GPHN: variants seen among roughly 807,000 people sequenced by gnomAD.
The protein encoded by GPHN is gephyrin.
GPHN carries 17 observed loss-of-function variants against 95.5 expected under a neutral mutation model. The observed-to-expected ratio is 0.18, with a 90% CI of 0.12 to 0.27. GPHN has a LOEUF of 0.27. Ranked by LOEUF, GPHN falls within the 10% of genes least tolerant of loss-of-function variation. GPHN has a pLI of 1.00. For missense variants in GPHN, 660 were observed against 978.1 expected (o/e 0.67, Z 4.34); for synonymous variants, 320 against 322.5 (o/e 0.99, Z 0.08).
chr14:67,573,370 T>G, the GPHN span: 3 of 1,606,748 alleles, frequency 1.9e-6, no homozygotes, highest in African/African-American at 2.7e-5. The surrounding 1 kb of genome is among the most constrained non-coding windows in gnomAD (Gnocchi z 4.8). Flanking sequence ...GGACAGATTA[T>G]GTACTACAAG....
chr14:67,090,443 A>T (rs2077101899), intron 12 of GPHN, among the ~76,000 whole-genome samples: 1 of 152,090 alleles, frequency 6.6e-6, no homozygotes, highest in Non-Finnish European at 1.5e-5. Context: ...ATTATTTGAA[A>T]CATTGTTTAA....
chr14:67,314,656 G>C, the GPHN span, among the ~76,000 whole-genome samples: 4 of 152,204 alleles, frequency 2.6e-5, no homozygotes, highest in Admixed American at 2.6e-4. Flanking sequence ...TAAATGTTTA[G>C]AACTAGTGTT....
At chr14:66,788,829 TGTAGTTTTA>T (rs1010047533) in intron 3 of GPHN, among the ~76,000 whole-genome samples, 20 of 152,236 alleles carry the variant, frequency 1.3e-4, no homozygotes, top group African/African-American at 4.8e-4. Flanking sequence ...GCTAATTTTT[TGTAGTTTTA>T]GTAGAGATGG....
intron 1 of GPHN, among the ~76,000 whole-genome samples, chr14:66,550,782 A>C (rs1449627532): frequency 6.6e-6 from 1 of 152,186 alleles, no homozygotes; most frequent in Non-Finnish European, 1.5e-5. Flanking sequence ...AAGACTCTCC[A>C]CCAGCAAAAA....
the GPHN span, chr14:67,279,091 T>G: frequency 7.5e-7 from 1 of 1,332,948 alleles, no homozygotes; most frequent in Non-Finnish European, 9.9e-7. Flanking sequence ...GTAACATGGA[T>G]TTTATACTAC....
At chr14:66,738,431 C>T (rs1348631574) in intron 2 of GPHN, among the ~76,000 whole-genome samples, 2 of 152,052 alleles carry the variant, frequency 1.3e-5, no homozygotes, top group African/African-American at 4.8e-5. Context: ...CCTTTTGAGC[C>T]ATCTGTACTG....
At chr14:66,574,190 G>A (rs371304179) in intron 1 of GPHN, among the ~76,000 whole-genome samples, 1 of 151,900 alleles carries the variant, frequency 6.6e-6, no homozygotes, top group African/African-American at 2.4e-5. Flanking sequence ...TTTCTTTGTG[G>A]TTACTGTGAA....
the GPHN span, chr14:67,241,325 A>G: frequency 5.9e-5 from 9 of 153,342 alleles, no homozygotes; most frequent in African/African-American, 1.7e-4. Flanking sequence ...CGCGCGGTCT[A>G]GAAGTGGAGT....
the GPHN span, among the ~76,000 whole-genome samples, chr14:67,193,296 A>ATC: frequency 7.7e-6 from 1 of 129,824 alleles, no homozygotes; most frequent in African/African-American, 2.8e-5. Context: ...ATAGACATCT[A>ATC]TCTATATATC....
chr14:67,444,023 T>C, the GPHN span, among the ~76,000 whole-genome samples: 2 of 152,190 alleles, frequency 1.3e-5, no homozygotes, highest in African/African-American at 4.8e-5. Context: ...GAGAGGCTAA[T>C]CAGAAACTCA....
At chr14:66,859,580 C>T (rs1370461677) in intron 4 of GPHN, among the ~76,000 whole-genome samples, 3 of 152,166 alleles carry the variant, frequency 2.0e-5, no homozygotes, top group Non-Finnish European at 4.4e-5. Flanking sequence ...CAAACATCTA[C>T]AAGTATCACG....
the GPHN span, among the ~76,000 whole-genome samples, chr14:67,482,733 A>G: frequency 1.3e-5 from 2 of 152,238 alleles, no homozygotes; most frequent in Admixed American, 6.5e-5. Flanking sequence ...GGGCTTGCCC[A>G]GGGCCAGAAG....
At position 66,520,934 on chromosome 14, in the gene GPHN, A is replaced by G. The variant is rs1268816521; in HGVS notation, c.64+12343A>G. Among the ~76,000 whole-genome samples the G allele has an allele frequency of 2.6e-5, 4 of 152,124 alleles. No individual in the cohort carries two copies. The East Asian group carries it at 5.8e-4, about 22-fold the overall frequency. On this transcript the variant is annotated intron_variant, in intron 1 of 22. Coordinates refer to ENST00000478722, the MANE Select transcript of GPHN (RefSeq NM_020806.5). ...CCATGAGTTCTTTTAGCCCCCACTTATAAGTGAGAACATCTGGTATTTGGT... is the reference window on the plus strand; with the variant it reads ...CCATGAGTTCTTTTAGCCCCCACTTGTAAGTGAGAACATCTGGTATTTGGT...
chr14:66,833,330 T>C (rs748722022), intron 4 of GPHN, among the ~76,000 whole-genome samples: 3 of 152,120 alleles, frequency 2.0e-5, no homozygotes, highest in African/African-American at 4.8e-5. Context: ...CTCACTATCA[T>C]GAGAACCATG....
the GPHN span, chr14:67,686,196 G>A: frequency 6.6e-5 from 10 of 152,152 alleles, no homozygotes; most frequent in Admixed American, 6.5e-4. Context: ...TTCAAATCCT[G>A]GCTCCACTCA....
the GPHN span, among the ~76,000 whole-genome samples, chr14:67,503,938 G>C: frequency 3.3e-5 from 5 of 151,908 alleles, no homozygotes; most frequent in Middle Eastern, 3.4e-3. Context: ...TCCTGACCTC[G>C]TGATCTGCCT....
chr14:67,193,565 C>A, the GPHN span, among the ~76,000 whole-genome samples: 1 of 138,524 alleles, frequency 7.2e-6, no homozygotes. Flanking sequence ...AGATCTATAT[C>A]TATATAGATC....
At chr14:67,484,447 AT>A in the GPHN span, among the ~76,000 whole-genome samples, 33 of 152,208 alleles carry the variant, frequency 2.2e-4, no homozygotes, top group African/African-American at 6.3e-4. Flanking sequence ...CTAGCATTTA[AT>A]TTTTTTTCTA....
intron 2 of GPHN, among the ~76,000 whole-genome samples, chr14:66,692,287 G>A (rs2067830873): frequency 6.6e-6 from 1 of 151,990 alleles, no homozygotes; most frequent in African/African-American, 2.4e-5. Flanking sequence ...ATATGCTCTG[G>A]TCATTAGGTA....
Sources: allele counts gnomAD v4.1 joint callset (sites outside exome capture counted in the v4.1 genomes callset), GRCh38; gene constraint gnomAD v4.1.1; non-coding constraint Gnocchi (gnomAD v3.1); transcripts MANE v1.5; gene names NCBI Gene and HGNC (gene_info 2026-07-23, HGNC 2026-07-21).